Variants in RAPGEF5 observed in about 807,000 individuals in gnomAD.
RAPGEF5 encodes M-Ras-regulated GEF.
In RAPGEF5, 65 loss-of-function variants were observed where a neutral mutation model predicts 125.2. The observed-to-expected ratio is 0.52, with a 90% CI of 0.43 to 0.64. RAPGEF5 has a LOEUF of 0.64. Ranked by LOEUF, RAPGEF5 falls within the 30% of genes least tolerant of loss-of-function variation. RAPGEF5 has a pLI of 0.00. For missense variants in RAPGEF5, 958 were observed against 1,048.1 expected, an observed-to-expected ratio of 0.91 and a Z score of 1.19; for synonymous variants, 391 against 385.9, an observed-to-expected ratio of 1.01 and a Z score of -0.16.
chr7:22,212,830 T>G (rs890983645), intron 9 of RAPGEF5, among the ~76,000 whole-genome samples: 2 of 151,958 alleles, frequency 1.3e-5, no homozygotes, highest in Non-Finnish European at 2.9e-5. Context: ...GGGTCTGGAG[T>G]GAGATATACC....
intron 15 of RAPGEF5, among the ~76,000 whole-genome samples, chr7:22,157,197 A>G (rs992051238): frequency 6.6e-6 from 1 of 152,180 alleles, no homozygotes; most frequent in African/African-American, 2.4e-5. Context: ...GATAAACATC[A>G]TTTCCCCATT....
At chr7:22,164,630 C>A (rs1236900252) in intron 12 of RAPGEF5, among the ~76,000 whole-genome samples, 1 of 152,096 alleles carries the variant, frequency 6.6e-6, no homozygotes, top group African/African-American at 2.4e-5. Flanking sequence ...AATATATTTA[C>A]CGGTTAAATT....
chr7:22,222,092 CA>C (rs1228220077), intron 8 of RAPGEF5, among the ~76,000 whole-genome samples: 1 of 151,958 alleles, frequency 6.6e-6, no homozygotes, highest in African/African-American at 2.4e-5. Context: ...ACTAAAAATA[CA>C]AAAAATTAGC....
chr7:22,253,162 G>A (rs1414577088), intron 7 of RAPGEF5, among the ~76,000 whole-genome samples: 3 of 152,196 alleles, frequency 2.0e-5, no homozygotes, highest in Non-Finnish European at 4.4e-5. Flanking sequence ...CATGGTGTTA[G>A]GCAAAGCTCT....
intron 9 of RAPGEF5, among the ~76,000 whole-genome samples, chr7:22,211,554 C>A (rs180820133): frequency 5.3e-5 from 8 of 152,288 alleles, no homozygotes; most frequent in Non-Finnish European, 1.0e-4. Context: ...AGTCCCCTGA[C>A]TTGAGCTGCC....
At chr7:22,138,019 A>T (rs1362280618) in intron 21 of RAPGEF5, among the ~76,000 whole-genome samples, 1 of 151,522 alleles carries the variant, frequency 6.6e-6, no homozygotes. Flanking sequence ...ACACACACAC[A>T]CACACACACA....
At chr7:22,332,729 T>G (rs527325612) in intron 1 of RAPGEF5, among the ~76,000 whole-genome samples, 5 of 152,368 alleles carry the variant, frequency 3.3e-5, no homozygotes, top group Admixed American at 3.3e-4. Context: ...ACCTAAGTCC[T>G]ATGTATCTCA....
chr7:22,196,368 G>A (rs1023216967), intron 9 of RAPGEF5, among the ~76,000 whole-genome samples: 5 of 151,512 alleles, frequency 3.3e-5, no homozygotes, highest in Admixed American at 3.3e-4. Context: ...GATTGGTTAA[G>A]ATTAAAAGTA....
intron 12 of RAPGEF5, chr7:22,163,008 G>C: frequency 2.2e-6 from 1 of 456,624 alleles, no homozygotes; most frequent in Non-Finnish European, 4.4e-6. Flanking sequence ...AATGAGTATA[G>C]ATTTCTGCAA....
At chr7:22,156,036 A>C (rs1052369056) in intron 16 of RAPGEF5, among the ~76,000 whole-genome samples, 2 of 152,264 alleles carry the variant, frequency 1.3e-5, no homozygotes, top group African/African-American at 4.8e-5. Flanking sequence ...ACCATGTATC[A>C]GCAGCATTAT....
chr7:22,351,943 A>C (rs1157072781), intron 1 of RAPGEF5, among the ~76,000 whole-genome samples: 1 of 152,192 alleles, frequency 6.6e-6, no homozygotes, highest in African/African-American at 2.4e-5. Flanking sequence ...CTTCATTCAG[A>C]GGGCTACCAG....
intron 17 of RAPGEF5, among the ~76,000 whole-genome samples, chr7:22,150,990 A>T (rs186173665): frequency 7.2e-5 from 11 of 152,300 alleles, no homozygotes; most frequent in African/African-American, 2.6e-4. Context: ...TTATATTCTC[A>T]TATTCTTATA....
intron 7 of RAPGEF5, among the ~76,000 whole-genome samples, chr7:22,249,622 T>C (rs1278557442): frequency 6.6e-6 from 1 of 152,224 alleles, no homozygotes; most frequent in Non-Finnish European, 1.5e-5. Flanking sequence ...ATTCTCCTTT[T>C]ATAAAGCTTT....
At position 22,140,089 on chromosome 7, in the gene RAPGEF5, G is replaced by C; in HGVS notation, c.2213C>G (p.Ser738Cys). The change falls in exon 21 of 26, where the codon TCT becomes TGT. Residue 738 changes from serine (S) to cysteine (C), a missense_variant. Ser to Cys is a moderately radical substitution (Grantham distance 112, BLOSUM62 -1). Coordinates refer to ENST00000665637, the MANE Select transcript of RAPGEF5 (RefSeq NM_012294.5). ...GAGACCCATCACAATGGCAAAGAAA[G>C]AATTCAGGTTTCTCTGGGCTTTGCA... ...AHCKAQRNLNSFFAIVMGLNT... is the reference protein window; with the variant it reads ...AHCKAQRNLNCFFAIVMGLNT... 3.2e-6 allele frequency: 5 copies of C among 1,562,990 alleles called. No homozygotes were observed. Among genetic ancestry groups the C allele is most frequent in the Non-Finnish European group, 4.3e-6 (5 of 1,153,252 alleles).
intron 24 of RAPGEF5, 146 bp downstream of exon 24, chr7:22,130,891 G>C: frequency 8.9e-7 from 1 of 1,126,732 alleles, no homozygotes; most frequent in South Asian, 1.6e-5. Flanking sequence ...CAGCAAATAA[G>C]CTCCTTGAAT....
intron 5 of RAPGEF5, 117 bp downstream of exon 5, chr7:22,308,222 G>C (rs2128152409): frequency 9.9e-7 from 1 of 1,013,198 alleles, no homozygotes; most frequent in South Asian, 2.3e-5. Flanking sequence ...TGAAAAATGG[G>C]GATAGTAACT....
At position 22,160,561 on chromosome 7, in the gene RAPGEF5, CT is replaced by C; in HGVS notation, c.1482del (p.Glu495AsnfsTer2). 6.5e-7 allele frequency: 1 copy of C among 1,548,490 alleles called. No homozygotes were observed. ...AGTATCTTTTGAAATTCTTTCAATT[CT>C]TTTTCAAGTATTGGATATTCATAAA... is the stretch of plus-strand genomic sequence containing the variant. ...DDVYEYPILE[K>X]ELKEFQKILG... On this transcript the variant is annotated frameshift_variant, in exon 14 of 26. Transcript: ENST00000665637. LOFTEE classifies it high-confidence loss of function.
chr7:22,241,110 G>A (rs537160071), intron 7 of RAPGEF5, among the ~76,000 whole-genome samples: 5 of 152,326 alleles, frequency 3.3e-5, no homozygotes, highest in African/African-American at 9.6e-5. Context: ...ATGCTGCCAT[G>A]GGGATTGTAA....
chr7:22,329,633 G>C (rs1783876091), intron 1 of RAPGEF5, among the ~76,000 whole-genome samples: 1 of 152,138 alleles, frequency 6.6e-6, no homozygotes, highest in African/African-American at 2.4e-5. Flanking sequence ...TAAACAAACA[G>C]AATGGAATAC....
Sources: allele counts gnomAD v4.1 joint callset (sites outside exome capture counted in the v4.1 genomes callset), GRCh38; gene constraint gnomAD v4.1.1; transcripts MANE v1.5; gene names NCBI Gene and HGNC (gene_info 2026-07-23, HGNC 2026-07-21).